Variants in LRTM3 observed in about 807,000 individuals in gnomAD.
The protein encoded by LRTM3 is leucine-rich repeat transmembrane protein 3.
chr13:102,741,346 A>G, the LRTM3 span: 2 of 1,549,454 alleles, frequency 1.3e-6, no homozygotes, highest in Non-Finnish European at 1.7e-6. Context: ...AAGATTCAGA[A>G]TCCAGAATAC....
chr13:102,758,605 GGA>G, the LRTM3 span: 1 of 1,525,054 alleles, frequency 6.6e-7, no homozygotes. Flanking sequence ...AATTGTTAGA[GGA>G]GTAATCGGAG....
chr13:102,755,964 T>TA, the LRTM3 span, among the ~76,000 whole-genome samples: 110 of 52,788 alleles, frequency 2.1e-3, 1 homozygote, highest in African/African-American at 4.8e-3. Flanking sequence ...TATATATATT[T>TA]TTTTTTTTTC....
chr13:102,749,044 C>T, the LRTM3 span: 5 of 1,550,512 alleles, frequency 3.2e-6, no homozygotes, highest in African/African-American at 6.9e-5. Context: ...TAACATAAGG[C>T]AGAATAAGCT....
the LRTM3 span, among the ~76,000 whole-genome samples, chr13:102,757,196 C>A: frequency 1.3e-5 from 2 of 152,206 alleles, no homozygotes; most frequent in African/African-American, 4.8e-5. Context: ...AAGGGTTCTA[C>A]CTACTCACAC....
chr13:102,753,930 G>C, the LRTM3 span, among the ~76,000 whole-genome samples: 14 of 152,150 alleles, frequency 9.2e-5, no homozygotes, highest in Non-Finnish European at 1.5e-4. Flanking sequence ...GCTGAAGCAG[G>C]CTGGGCGGGG....
chr13:102,748,027 C>A, the LRTM3 span: 1 of 1,550,906 alleles, frequency 6.4e-7, no homozygotes, highest in African/African-American at 1.4e-5. Context: ...ATTCTGCGTT[C>A]TGTGTTTCCT....
chr13:102,737,976 C>T, the LRTM3 span: 2 of 1,550,992 alleles, frequency 1.3e-6, no homozygotes, highest in East Asian at 2.4e-5. Context: ...TGTTGCTCTT[C>T]AACTTCGTGA....
chr13:102,741,484 T>G, the LRTM3 span: 2 of 1,549,332 alleles, frequency 1.3e-6, no homozygotes, highest in African/African-American at 2.7e-5. Flanking sequence ...CCTTTAATCC[T>G]TCTTTTCCCA....
chr13:102,731,331 T>G, the LRTM3 span: 5 of 1,551,444 alleles, frequency 3.2e-6, no homozygotes, highest in Non-Finnish European at 4.4e-6. Context: ...AACCTCCAAC[T>G]GTTATCTTTT....
the LRTM3 span, among the ~76,000 whole-genome samples, chr13:102,755,114 C>G: frequency 6.6e-6 from 1 of 152,086 alleles, no homozygotes; most frequent in African/African-American, 2.4e-5. Context: ...CAGCTCGGGT[C>G]CCCGGATTTC....
At chr13:102,733,210 A>G in the LRTM3 span, 2 of 1,551,350 alleles carry the variant, frequency 1.3e-6, no homozygotes, top group East Asian at 2.4e-5. Context: ...TCATGACAAT[A>G]TCTTGTTCTT....
chr13:102,732,861 T>A, the LRTM3 span: 3 of 1,551,440 alleles, frequency 1.9e-6, no homozygotes, highest in African/African-American at 2.7e-5. Flanking sequence ...TCTAGATTTA[T>A]ATTGGTGTTT....
At chr13:102,738,487 C>A in the LRTM3 span, 3 of 1,550,744 alleles carry the variant, frequency 1.9e-6, no homozygotes, top group African/African-American at 4.1e-5. Flanking sequence ...CTATCCTTTT[C>A]TCTTGCTCTT....
the LRTM3 span, chr13:102,735,269 T>A: frequency 6.4e-7 from 1 of 1,551,346 alleles, no homozygotes; most frequent in Admixed American, 2.0e-5. Context: ...TTCTCTATCC[T>A]TCTCTTCTTT....
At chr13:102,738,211 T>C in the LRTM3 span, 1 of 1,551,002 alleles carries the variant, frequency 6.4e-7, no homozygotes. Context: ...TCTTAGCTGA[T>C]ATTTTTACTT....
At chr13:102,758,160 T>C in the LRTM3 span, among the ~76,000 whole-genome samples, 1 of 152,212 alleles carries the variant, frequency 6.6e-6, no homozygotes, top group Non-Finnish European at 1.5e-5. Context: ...AAGTCACTTA[T>C]CCTCTTCAAG....
At chr13:102,735,669 G>T in the LRTM3 span, 1 of 1,551,182 alleles carries the variant, frequency 6.4e-7, no homozygotes, top group Non-Finnish European at 8.7e-7. Flanking sequence ...TCTTCTCCCT[G>T]TGCTGTGGGT....
chr13:102,733,912 T>A, the LRTM3 span: 3 of 1,551,292 alleles, frequency 1.9e-6, no homozygotes, highest in Admixed American at 5.9e-5. Flanking sequence ...TATTTGTTAT[T>A]TTCTGGGTAT....
chr13:102,749,293 C>T, the LRTM3 span: 4 of 1,550,892 alleles, frequency 2.6e-6, no homozygotes, highest in Non-Finnish European at 3.5e-6. Flanking sequence ...TAATGGTAGA[C>T]AAAAGAGGCA....
Sources: allele counts gnomAD v4.1 joint callset (sites outside exome capture counted in the v4.1 genomes callset), GRCh38; gene constraint gnomAD v4.1.1; transcripts MANE v1.5; gene names NCBI Gene and HGNC (gene_info 2026-07-23, HGNC 2026-07-21).